Variants in NYAP2 observed in about 807,000 individuals in gnomAD.
The protein encoded by NYAP2 is neuronal tyrosine-phosphorylated phosphoinositide-3-kinase adapter 2.
In NYAP2, 23 loss-of-function variants were observed where a neutral mutation model predicts 50.4. The observed-to-expected ratio is 0.46, with a 90% confidence interval of 0.33 to 0.65. The LOEUF (loss-of-function observed/expected upper bound fraction) is 0.65, where lower values mean the gene tolerates loss of function less well. NYAP2 is among the 30% of genes least tolerant of loss of function. NYAP2 has a pLI of 0.02. For missense variants in NYAP2, 885 were observed against 861.0 expected, an observed-to-expected ratio of 1.03 and a Z score of -0.35; for synonymous variants, 394 against 365.2, an observed-to-expected ratio of 1.08 and a Z score of -0.90.
At position 225,582,387 on chromosome 2, in the gene NYAP2, C is replaced by T; in HGVS notation, c.970C>T (p.Pro324Ser). The stretch of plus-strand genomic sequence containing the variant: ...CAAGGGGCTGCTTTGCGACATCCCT[C>T]CGCCCTTCCCCAACCTGCTTTCTCA... Residue 324 changes from proline to serine, a missense_variant, in exon 5 of 7, where the codon CCG (proline) becomes TCG (serine). Physicochemically the swap from Pro to Ser is moderately conservative, Grantham distance 74. Coordinates refer to ENST00000636099, the Ensembl canonical transcript of NYAP2. This position sits in a 1 kb window ranked among gnomAD's most constrained non-coding sequence, Gnocchi z 7.0. 6.2e-7 allele frequency: 1 copy of T among 1,609,424 alleles called. No homozygotes were observed. The highest frequency in any genetic ancestry group is 8.5e-7 in the Non-Finnish European group (1 of 1,176,526).
intron 5 of NYAP2, among the ~76,000 whole-genome samples, chr2:225,602,529 C>T (rs1208879185): frequency 6.6e-6 from 1 of 152,112 alleles, no homozygotes; most frequent in African/African-American, 2.4e-5. Context: ...CAGTTTCTTT[C>T]TTTCTCCTCT....
chr2:225,518,711 C>T (rs1690987898), intron 4 of NYAP2, among the ~76,000 whole-genome samples: 1 of 148,094 alleles, frequency 6.8e-6, no homozygotes, highest in East Asian at 2.0e-4. Flanking sequence ...CAAATATACA[C>T]AATTTTTGCC....
the NYAP2 span, chr2:225,698,893 G>A: frequency 6.6e-6 from 1 of 151,788 alleles, no homozygotes; most frequent in Non-Finnish European, 1.5e-5. Context: ...TCTTTTATAT[G>A]TAATCCCTTG....
intron 4 of NYAP2, among the ~76,000 whole-genome samples, chr2:225,522,657 T>C (rs1691085970): frequency 6.6e-6 from 1 of 152,172 alleles, no homozygotes; most frequent in Non-Finnish European, 1.5e-5. Context: ...TGTACTGGGA[T>C]CCAGCTCCAG....
chr2:225,436,996 T>G (rs1689390412), intron 3 of NYAP2, among the ~76,000 whole-genome samples: 1 of 151,962 alleles, frequency 6.6e-6, no homozygotes, highest in African/African-American at 2.4e-5. Context: ...GAAGTCACCC[T>G]GAGGAATTGT....
chr2:225,495,638 AT>A (rs1354045315), intron 3 of NYAP2, among the ~76,000 whole-genome samples: 1 of 152,172 alleles, frequency 6.6e-6, no homozygotes, highest in Non-Finnish European at 1.5e-5. Context: ...GGTTTAATTA[AT>A]TGACTAATAA....
At chr2:225,524,531 G>T (rs948011998) in intron 4 of NYAP2, among the ~76,000 whole-genome samples, 1 of 151,998 alleles carries the variant, frequency 6.6e-6, no homozygotes, top group Non-Finnish European at 1.5e-5. Context: ...CAGCCCAATC[G>T]AATTGACACT....
intron 3 of NYAP2, among the ~76,000 whole-genome samples, chr2:225,439,840 A>G (rs1332267580): frequency 6.6e-6 from 1 of 152,178 alleles, no homozygotes; most frequent in Non-Finnish European, 1.5e-5. Context: ...TAGAGTGGAA[A>G]CAGAACTCCC....
intron 6 of NYAP2, among the ~76,000 whole-genome samples, chr2:225,649,175 T>A (rs1693689180): frequency 2.0e-5 from 3 of 152,200 alleles, no homozygotes; most frequent in African/African-American, 7.2e-5. Context: ...GGTGTTTTTC[T>A]ATGAATTTTG....
At chr2:225,615,392 A>G (rs1241077132) in intron 5 of NYAP2, among the ~76,000 whole-genome samples, 1 of 152,224 alleles carries the variant, frequency 6.6e-6, no homozygotes, top group African/African-American at 2.4e-5. Context: ...TCAGGCAGAA[A>G]TAATTTGGTG....
At chr2:225,701,700 A>C in the NYAP2 span, 4 of 151,730 alleles carry the variant, frequency 2.6e-5, no homozygotes, top group Non-Finnish European at 4.4e-5. Flanking sequence ...ATAATTAGAA[A>C]AGTAAAACAA....
chr2:225,529,531 G>T (rs959038454), intron 4 of NYAP2, among the ~76,000 whole-genome samples: 27 of 151,896 alleles, frequency 1.8e-4, no homozygotes, highest in South Asian at 6.2e-4. Flanking sequence ...TGCCATGTTG[G>T]ACAGGGTAGT....
chr2:225,540,296 TG>T (rs765547480), intron 4 of NYAP2, among the ~76,000 whole-genome samples: 6 of 152,210 alleles, frequency 3.9e-5, no homozygotes, highest in Non-Finnish European at 8.8e-5. Flanking sequence ...TGCATTAGTT[TG>T]TTTTCAGGCT....
At chr2:225,699,272 C>T in the NYAP2 span, 1 of 152,046 alleles carries the variant, frequency 6.6e-6, no homozygotes, top group Admixed American at 6.6e-5. Context: ...GAGAAAGTTA[C>T]TAGGATATAT....
intron 3 of NYAP2, among the ~76,000 whole-genome samples, chr2:225,459,395 C>T (rs1351274241): frequency 6.6e-6 from 1 of 152,122 alleles, no homozygotes; most frequent in Non-Finnish European, 1.5e-5. Flanking sequence ...GATGTTTGCA[C>T]AGTACTTTTT....
intron 4 of NYAP2, among the ~76,000 whole-genome samples, chr2:225,526,255 C>CA (rs1332197531): frequency 1.3e-5 from 2 of 152,084 alleles, no homozygotes; most frequent in African/African-American, 4.8e-5. Context: ...AAGCAGCAAT[C>CA]AAAAAATAAT....
chr2:225,529,642 A>G (rs748058075), intron 4 of NYAP2, among the ~76,000 whole-genome samples: 12 of 152,170 alleles, frequency 7.9e-5, no homozygotes, highest in Middle Eastern at 3.4e-3. Context: ...ATATTTATAT[A>G]AGCATGTTCC....
intron 3 of NYAP2, among the ~76,000 whole-genome samples, chr2:225,443,670 G>T (rs1423658436): frequency 6.6e-6 from 1 of 152,156 alleles, no homozygotes; most frequent in Non-Finnish European, 1.5e-5. Context: ...AGACCAGCAA[G>T]AAACTACCTG....
chr2:225,511,373 C>CGCACACACAG (rs1690814936), intron 3 of NYAP2, among the ~76,000 whole-genome samples: 1 of 117,768 alleles, frequency 8.5e-6, no homozygotes, highest in African/African-American at 3.3e-5. Context: ...CACACACACA[C>CGCACACACAG]AGAGAGAGAG....
Sources: gnomAD v4.1 joint callset for allele counts (sites outside exome capture counted in the v4.1 genomes callset) on GRCh38, gnomAD v4.1.1 for gene constraint, Gnocchi (gnomAD v3.1) non-coding constraint, MANE v1.5 for transcripts, NCBI Gene and HGNC (gene_info 2026-07-23, HGNC 2026-07-21) for gene names.